Variants in ADGRL3 observed in about 807,000 individuals in gnomAD.
ADGRL3 encodes the protein calcium-independent alpha-latrotoxin receptor 3.
Under a neutral mutation model 153.5 loss-of-function variants are expected in ADGRL3, and 62 were observed. The ratio of observed to expected loss-of-function variants is 0.40; its 90% CI spans 0.33 to 0.50. The LOEUF (loss-of-function observed/expected upper bound fraction) is 0.50, where lower values mean the gene tolerates loss of function less well. Ranked by LOEUF, ADGRL3 falls within the 20% of genes least tolerant of loss-of-function variation. The probability of loss-of-function intolerance (pLI) is 0.47; values close to 1 mark genes in which losing one functional copy is unlikely to be tolerated. For missense variants in ADGRL3, 1,641 were observed against 1,859.4 expected (o/e 0.88, Z 2.16); for synonymous variants, 710 against 672.5 (o/e 1.06, Z -0.86).
At chr4:61,958,216 T>C (rs1236597570) in intron 17 of ADGRL3, among the ~76,000 whole-genome samples, 2 of 152,202 alleles carry the variant, frequency 1.3e-5, no homozygotes, top group African/African-American at 4.8e-5. Flanking sequence ...TTTTATGGTA[T>C]ATAAAATAAT....
chr4:61,571,270 T>C (rs2098837385), intron 4 of ADGRL3, among the ~76,000 whole-genome samples: 1 of 150,526 alleles, frequency 6.6e-6, no homozygotes, highest in Non-Finnish European at 1.5e-5. Flanking sequence ...GGGCCAGGAG[T>C]TTCAGACTAG....
At chr4:61,575,864 G>A (rs1231520124) in intron 4 of ADGRL3, among the ~76,000 whole-genome samples, 1 of 151,968 alleles carries the variant, frequency 6.6e-6, no homozygotes, top group Non-Finnish European at 1.5e-5. Flanking sequence ...GTGTGGCCCT[G>A]AAAAATGTAT....
intron 4 of ADGRL3, among the ~76,000 whole-genome samples, chr4:61,560,118 C>T (rs930538242): frequency 6.6e-6 from 1 of 152,080 alleles, no homozygotes; most frequent in Non-Finnish European, 1.5e-5. Context: ...CTCTTTGCTT[C>T]CATTGTCTAA....
At chr4:61,465,353 G>A (rs2097866125) in intron 2 of ADGRL3, among the ~76,000 whole-genome samples, 1 of 152,106 alleles carries the variant, frequency 6.6e-6, no homozygotes, top group South Asian at 2.1e-4. Context: ...AAATATTTGT[G>A]AGAAGTTTTA....
chr4:61,238,398 G>GA (rs1256465233), intron 1 of ADGRL3, among the ~76,000 whole-genome samples: 2 of 151,876 alleles, frequency 1.3e-5, no homozygotes, highest in Non-Finnish European at 2.9e-5. Flanking sequence ...ACTTCATAGT[G>GA]AAACTTAAAC....
chr4:61,348,680 T>G (rs1460731727), intron 1 of ADGRL3, among the ~76,000 whole-genome samples: 1 of 152,054 alleles, frequency 6.6e-6, no homozygotes, highest in Non-Finnish European at 1.5e-5. Context: ...GTCAAAGGTG[T>G]AAAATATAGT....
chr4:62,023,946 G>C (rs1022560612), intron 21 of ADGRL3, among the ~76,000 whole-genome samples: 4 of 151,982 alleles, frequency 2.6e-5, no homozygotes, highest in Non-Finnish European at 5.9e-5. Context: ...GATAGAGAGG[G>C]ATACTGAATT....
At chr4:61,780,157 A>G (rs1004495828) in intron 8 of ADGRL3, among the ~76,000 whole-genome samples, 10 of 152,348 alleles carry the variant, frequency 6.6e-5, no homozygotes, top group Admixed American at 5.9e-4. Context: ...GCAGTGAAGC[A>G]CATCAGTTTG....
At position 61,235,847 on chromosome 4, in the gene ADGRL3, A is replaced by G. The variant is rs540186391; in HGVS notation, c.-240+34082A>G. On this transcript the variant is annotated intron_variant, in intron 1 of 26. Coordinates refer to ENST00000683033, the MANE Select transcript of ADGRL3 (RefSeq NM_001387552.1). Reference sequence around the variant, plus strand: ...GAATGGACTAGTAGGTGGGACCCCTAATATCCTGGTCCCTGTGAAGGTTAT... The same window carrying G: ...GAATGGACTAGTAGGTGGGACCCCTGATATCCTGGTCCCTGTGAAGGTTAT... Among the ~76,000 whole-genome samples the G allele has an allele frequency of 2.0e-5, 3 of 152,194 alleles. No individual in the cohort carries two copies. The South Asian group carries it at 6.2e-4, about 32-fold the overall frequency.
At chr4:61,923,172 C>A (rs1274616652) in intron 13 of ADGRL3, among the ~76,000 whole-genome samples, 1 of 152,188 alleles carries the variant, frequency 6.6e-6, no homozygotes, top group African/African-American at 2.4e-5. Context: ...ACTCAAGAGT[C>A]TGAGTGCTAT....
intron 9 of ADGRL3, among the ~76,000 whole-genome samples, chr4:61,817,817 C>A (rs1034049207): frequency 6.6e-6 from 1 of 152,138 alleles, no homozygotes; most frequent in African/African-American, 2.4e-5. Context: ...CTTATAAAAT[C>A]ATCAGATCTC....
intron 9 of ADGRL3, among the ~76,000 whole-genome samples, chr4:61,821,250 G>A (rs1278139487): frequency 6.7e-6 from 1 of 148,648 alleles, no homozygotes; most frequent in African/African-American, 2.5e-5. Context: ...CCATACTAAT[G>A]ATGCTATTTT....
chr4:61,948,046 A>G, intron 16 of ADGRL3, 54 bp from the exon 17 acceptor site: 1 of 1,446,970 alleles, frequency 6.9e-7, no homozygotes, highest in Non-Finnish European at 9.4e-7. Context: ...TGCCAACCTA[A>G]TTTACATGAT....
chr4:62,016,291 C>T (rs986322602), intron 21 of ADGRL3, among the ~76,000 whole-genome samples: 1 of 152,126 alleles, frequency 6.6e-6, no homozygotes, highest in African/African-American at 2.4e-5. Flanking sequence ...TCATGATCTG[C>T]CCCCCTCGGC....
Position 61,453,936 on chromosome 4 carries a change from A to C in ADGRL3, c.-173-43185A>C, listed in dbSNP as rs188710041. 1.9e-3 allele frequency among the ~76,000 whole-genome samples: 289 copies of C among 152,196 alleles called. 1 individual carries two copies. Among genetic ancestry groups the C allele is most frequent in the Non-Finnish European group, 3.1e-3 (210 of 68,012 alleles). On this transcript the variant is annotated intron_variant, in intron 2 of 26. Coordinates refer to ENST00000683033, the MANE Select transcript of ADGRL3 (RefSeq NM_001387552.1). ...ACCTGTCCACAACACAAATTTTAATATTATATATATAAATTGATATATACT... is the reference window on the plus strand; with the variant it reads ...ACCTGTCCACAACACAAATTTTAATCTTATATATATAAATTGATATATACT...
chr4:61,333,976 T>G (rs545724676), intron 1 of ADGRL3, among the ~76,000 whole-genome samples: 33 of 151,484 alleles, frequency 2.2e-4, no homozygotes, highest in Admixed American at 1.4e-3. Context: ...AATGCAATGG[T>G]GTGATCTTGA....
Position 61,587,448 on chromosome 4 carries a change from A to C in ADGRL3, c.473+8A>C, listed in dbSNP as rs765793900. The C allele has an allele frequency of 6.3e-7, 1 of 1,580,742 alleles. No homozygotes were observed. Among genetic ancestry groups the C allele is most frequent in the Non-Finnish European group, 8.7e-7 (1 of 1,151,668 alleles). The stretch of plus-strand genomic sequence containing the variant: ...TAAGATTATGTCTCAAAGGTATGAT[A>C]CTTCTAATATTCTTTTCTTTGTGCA... On this transcript the variant is annotated splice_region_variant and intron_variant, in intron 5 of 26. Transcript: ENST00000683033.
At chr4:61,360,136 A>T (rs2096261583) in intron 1 of ADGRL3, among the ~76,000 whole-genome samples, 1 of 152,176 alleles carries the variant, frequency 6.6e-6, no homozygotes, top group African/African-American at 2.4e-5. Flanking sequence ...TATGAGAATT[A>T]GGACACAACA....
At chr4:61,880,933 A>G (rs1293328571) in intron 9 of ADGRL3, among the ~76,000 whole-genome samples, 3 of 152,144 alleles carry the variant, frequency 2.0e-5, no homozygotes, top group Non-Finnish European at 4.4e-5. Context: ...TCTACAACCC[A>G]CGATAAAATT....
Sources: allele counts gnomAD v4.1 joint callset (sites outside exome capture counted in the v4.1 genomes callset), GRCh38; gene constraint gnomAD v4.1.1; transcripts MANE v1.5; gene names NCBI Gene and HGNC (gene_info 2026-07-23, HGNC 2026-07-21).